The following PRKCZ variants were observed in gnomAD, a reference collection of about 807,000 sequenced individuals.
The protein encoded by PRKCZ is protein kinase C zeta type.
A neutral mutation model predicts 79.5 loss-of-function variants in PRKCZ; 33 were observed. That is an observed-to-expected ratio of 0.41 (90% confidence interval 0.31 to 0.55). PRKCZ has a LOEUF of 0.55. Among genes scored for constraint, PRKCZ ranks in the 20% least tolerant of loss-of-function variants. The pLI is 0.19. For synonymous variants in PRKCZ, 342 were observed against 320.9 expected, an observed-to-expected ratio of 1.07 and a Z score of -0.70; for missense variants, 578 against 813.5, an observed-to-expected ratio of 0.71 and a Z score of 3.52.
chr1:2,158,008 C>A (rs1681438275), intron 10 of PRKCZ, among the ~76,000 whole-genome samples: 1 of 152,220 alleles, frequency 6.6e-6, no homozygotes, highest in African/African-American at 2.4e-5. Flanking sequence ...TGGCGACTTG[C>A]TCTCCTCCGC....
intron 4 of PRKCZ, among the ~76,000 whole-genome samples, chr1:2,068,569 G>A (rs935697013): frequency 1.8e-4 from 28 of 152,346 alleles, no homozygotes; most frequent in African/African-American, 6.3e-4. Flanking sequence ...TTAATCACAC[G>A]TGCAGGAACC....
In PRKCZ at chr1:2,135,274, G is replaced by A. The variant is rs763191925; in HGVS notation, c.347G>A (p.Arg116His). The change falls in exon 5 of 18, where the codon CGC becomes CAC. Residue 116 changes from arginine (R) to histidine (H), a missense_variant. Transcript: ENST00000378567. ...PCPGEDKSIY[R>H]RGARRWRKLY... ...ATATCCTTTCCAGAATCTATCTACC[G>A]CCGGGGAGCCAGAAGATGGAGGAAG... The A allele has an allele frequency of 6.8e-6, 11 of 1,612,662 alleles. No homozygotes were observed. Among genetic ancestry groups the A allele is most frequent in the South Asian group, 3.3e-5 (3 of 91,036 alleles).
chr1:2,174,490 C>T lies in PRKCZ; in HGVS notation c.1406-264C>T, dbSNP rs1357791542. Among the ~76,000 whole-genome samples, 1 of 152,236 alleles carries T rather than the reference C, an allele frequency of 6.6e-6. No homozygotes were observed. The highest frequency in any genetic ancestry group is 1.5e-5 in the Non-Finnish European group (1 of 68,050). ...CTGGTGGCCAGCCTGCAGAGGCACC[C>T]GTGTACCTGCGATCTTGGGGCTGAG... On this transcript the variant is annotated intron_variant, in intron 14 of 17. Transcript: ENST00000378567. This position sits in a 1 kb window ranked among gnomAD's most constrained non-coding sequence, Gnocchi z 6.2.
Position 2,174,528 on chromosome 1 carries a change from C to A in PRKCZ, c.1406-226C>A, listed in dbSNP as rs564999272. On this transcript the variant is annotated intron_variant, in intron 14 of 17. Coordinates refer to ENST00000378567, the MANE Select transcript of PRKCZ (RefSeq NM_002744.6). The surrounding 1 kb of genome is among the most constrained non-coding windows in gnomAD (Gnocchi z 6.2). ...TCTTGGGGCTGAGGAAGGGGAGCTG[C>A]TGGTTCACGTCCGATCCTACGACAC... 8.5e-5 allele frequency among the ~76,000 whole-genome samples: 13 copies of A among 152,352 alleles called. No homozygotes were observed. The South Asian group carries it at 2.5e-3, about 29-fold the overall frequency.
intron 4 of PRKCZ, among the ~76,000 whole-genome samples, chr1:2,061,713 T>A (rs555965923): frequency 1.3e-5 from 2 of 152,028 alleles, no homozygotes; most frequent in South Asian, 4.2e-4. Flanking sequence ...CACCCGGACG[T>A]GGGTTGGGTT....
intron 10 of PRKCZ, among the ~76,000 whole-genome samples, chr1:2,158,483 C>G (rs1681555803): frequency 6.6e-6 from 1 of 152,258 alleles, no homozygotes; most frequent in African/African-American, 2.4e-5. Context: ...TCCCCTGCTT[C>G]CCGGAGTGAG....
intron 5 of PRKCZ, among the ~76,000 whole-genome samples, chr1:2,135,676 C>T (rs1364992368): frequency 6.6e-6 from 1 of 152,222 alleles, no homozygotes; most frequent in Non-Finnish European, 1.5e-5. Context: ...CGGCCGCATT[C>T]CATCCGCATG....
At chr1:2,090,166 G>A (rs946550145) in intron 4 of PRKCZ, among the ~76,000 whole-genome samples, 1 of 152,202 alleles carries the variant, frequency 6.6e-6, no homozygotes, top group African/African-American at 2.4e-5. Flanking sequence ...AGTGTCCTAT[G>A]TGTAAATAAG....
At position 2,056,554 on chromosome 1, in the gene PRKCZ, T is replaced by C. The variant is rs12184; in HGVS notation, c.264T>C (p.Asp88=). The change falls in exon 3 of 18, where the codon GAT becomes GAC. Residue 88 remains aspartate, a synonymous_variant. Transcript: ENST00000378567. ...TCCGCCTGGCCCGTCAGTGCAGGGA[T>C]GAAGGCCTCATCATTCATGGTTAGT... ...EAFRLARQCR[D]EGLIIHVFPS... is the part of the protein sequence containing the mutation. The C allele has an allele frequency of 0.39, 629,965 of 1,612,728 alleles. 142,690 individuals are homozygous for C. The highest frequency in any genetic ancestry group is 0.94 in the East Asian group (42,373 of 44,840).
intron 4 of PRKCZ, among the ~76,000 whole-genome samples, chr1:2,099,929 C>T (rs1667171179): frequency 6.6e-6 from 1 of 152,214 alleles, no homozygotes; most frequent in Admixed American, 6.5e-5. Flanking sequence ...AAAGACCAGA[C>T]TCCAGGGTCT....
rs1032322653 is a variant in PRKCZ, at chr1:2,172,664, G to A, written c.1285+276G>A. On this transcript the variant is annotated intron_variant, in intron 13 of 17. Transcript: ENST00000378567. This position sits in a 1 kb window ranked among gnomAD's most constrained non-coding sequence, Gnocchi z 7.8. ...CAGGGAGGGGAAAGACACAGAAAGCGGGGGTGGGACAGGGTGCAGCACCTG... is the reference window on the plus strand; with the variant it reads ...CAGGGAGGGGAAAGACACAGAAAGCAGGGGTGGGACAGGGTGCAGCACCTG... Among the ~76,000 whole-genome samples the A allele has an allele frequency of 4.6e-5, 7 of 152,190 alleles. No individual in the cohort carries two copies. Among genetic ancestry groups the A allele is most frequent in the Non-Finnish European group, 8.8e-5 (6 of 68,024 alleles).
In PRKCZ at chr1:2,128,694, G is replaced by A. The variant is rs1674402082; in HGVS notation, c.335-6568G>A. On this transcript the variant is annotated intron_variant, in intron 4 of 17. Coordinates refer to ENST00000378567, the MANE Select transcript of PRKCZ (RefSeq NM_002744.6). This position sits in a 1 kb window ranked among gnomAD's most constrained non-coding sequence, Gnocchi z 6.5. ...CAGGATGGGTCCCCAATGGGCACGT[G>A]ACATCGAGCCAGCTCTGACTCCAAA... 6.6e-6 allele frequency among the ~76,000 whole-genome samples: 1 copy of A among 152,164 alleles called. No individual in the cohort carries two copies. Among genetic ancestry groups the A allele is most frequent in the Non-Finnish European group, 1.5e-5 (1 of 68,026 alleles).
At chr1:2,065,126 T>C (rs1300956885) in intron 4 of PRKCZ, among the ~76,000 whole-genome samples, 1 of 152,256 alleles carries the variant, frequency 6.6e-6, no homozygotes, top group Non-Finnish European at 1.5e-5. Context: ...AATTGTTTCC[T>C]TGATTTCCCT....
At chr1:2,184,770 G>T (rs1411194982) in intron 17 of PRKCZ, 72 bp downstream of exon 17, 1 of 1,481,996 alleles carries the variant, frequency 6.7e-7, no homozygotes, top group African/African-American at 1.4e-5. Context: ...ACCTTGGGCA[G>T]CTGGTGACCC....
At chr1:2,097,316 C>T (rs1666697692) in intron 4 of PRKCZ, among the ~76,000 whole-genome samples, 1 of 152,136 alleles carries the variant, frequency 6.6e-6, no homozygotes, top group Non-Finnish European at 1.5e-5. Context: ...ACCAAGAGTT[C>T]AGGGGCCCAG....
rs965916991 is a variant in PRKCZ at position 2,156,244 on chromosome 1, C to T, written c.974+152C>T. 4 of 648,450 alleles carry T rather than the reference C, an allele frequency of 6.2e-6. No homozygotes were observed. In the African/African-American group the frequency reaches 7.3e-5, roughly 12 times the overall value. 40.2% of individuals were successfully genotyped at this position (648,450 alleles called of 1,614,324 possible). On this transcript the variant is annotated intron_variant, in intron 10 of 17. Coordinates refer to ENST00000378567, the MANE Select transcript of PRKCZ (RefSeq NM_002744.6). The stretch of plus-strand genomic sequence containing the variant: ...AGGCCAGCAGACTCTCTTTGTTGTT[C>T]TCCTTGGTTGGTGTCATATTAAGTA...
intron 7 of PRKCZ, among the ~76,000 whole-genome samples, chr1:2,147,000 C>T (rs914817983): frequency 2.6e-5 from 4 of 152,138 alleles, no homozygotes; most frequent in Admixed American, 6.5e-5. Context: ...CCATCCATCT[C>T]GTCATCCAGC....
At chr1:2,093,442 C>T (rs906648465) in intron 4 of PRKCZ, among the ~76,000 whole-genome samples, 29 of 152,126 alleles carry the variant, frequency 1.9e-4, no homozygotes, top group African/African-American at 5.8e-4. Flanking sequence ...GACTCTGGGA[C>T]GCTGTGACTT....
chr1:2,132,444 T>C (rs1675176952), intron 4 of PRKCZ, among the ~76,000 whole-genome samples: 1 of 152,182 alleles, frequency 6.6e-6, no homozygotes, highest in South Asian at 2.1e-4. Context: ...TGCGAGGCTC[T>C]CCCAGAGAAT....
Sources: allele counts gnomAD v4.1 joint callset (sites outside exome capture counted in the v4.1 genomes callset), GRCh38; gene constraint gnomAD v4.1.1; non-coding constraint Gnocchi (gnomAD v3.1); transcripts MANE v1.5; gene names NCBI Gene and HGNC (gene_info 2026-07-23, HGNC 2026-07-21).